Variants in KYNU observed in about 807,000 individuals in gnomAD.
The protein encoded by KYNU is L-kynurenine hydrolase.
Under a neutral mutation model 59.2 loss-of-function variants are expected in KYNU, and 54 were observed. That is an observed-to-expected ratio of 0.91 (90% CI 0.73 to 1.14). KYNU has a LOEUF of 1.14. Ranked by LOEUF, KYNU falls within the 50% of genes most tolerant of loss-of-function variation. The pLI, the probability that KYNU is intolerant of heterozygous loss-of-function variation, is 0.00. For missense variants in KYNU, 567 were observed against 554.4 expected (o/e 1.02, Z -0.23); for synonymous variants, 177 against 192.0 (o/e 0.92, Z 0.65).
At chr2:143,011,969 C>T (rs1488326604) in intron 10 of KYNU, among the ~76,000 whole-genome samples, 2 of 144,770 alleles carry the variant, frequency 1.4e-5, no homozygotes, top group Non-Finnish European at 3.0e-5. Context: ...TGCTAGATGA[C>T]GAGTTAGTGG....
intron 8 of KYNU, among the ~76,000 whole-genome samples, chr2:142,972,823 G>T (rs1335217463): frequency 6.7e-5 from 10 of 149,716 alleles, no homozygotes; most frequent in Non-Finnish European, 1.5e-4. Context: ...TAGAGAGAGA[G>T]AGAGAGAGAG....
chr2:142,972,717 C>G (rs1037663732), intron 8 of KYNU, among the ~76,000 whole-genome samples: 1 of 151,408 alleles, frequency 6.6e-6, no homozygotes, highest in African/African-American at 2.4e-5. Context: ...TCTCTTTCCA[C>G]AGTATTGTCT....
chr2:142,944,107 A>T (rs779404916), intron 4 of KYNU, among the ~76,000 whole-genome samples: 9 of 152,186 alleles, frequency 5.9e-5, no homozygotes, highest in Non-Finnish European at 1.3e-4. Flanking sequence ...CAATGCTTTA[A>T]CCCTGAAAGA....
intron 4 of KYNU, among the ~76,000 whole-genome samples, chr2:142,929,139 T>C (rs78467270): frequency 0.026 from 3,946 of 149,862 alleles, 168 homozygotes; most frequent in Admixed American, 0.11. Context: ...AAATATAAAA[T>C]TAATCACACT....
intron 9 of KYNU, 105 bp downstream of exon 9, chr2:142,985,287 CTATTTCTTT>C: frequency 1.3e-6 from 1 of 745,456 alleles, no homozygotes; most frequent in South Asian, 1.4e-5. Flanking sequence ...GTTACTTTCC[CTATTTCTTT>C]TATTGTATTT....
At chr2:143,019,203 G>A (rs1199683043) in intron 10 of KYNU, among the ~76,000 whole-genome samples, 1 of 152,064 alleles carries the variant, frequency 6.6e-6, no homozygotes, top group Non-Finnish European at 1.5e-5. Context: ...GGGCATCCTT[G>A]TATTGTTCCT....
chr2:142,961,508 G>A (rs1390758284), intron 8 of KYNU, among the ~76,000 whole-genome samples: 1 of 151,860 alleles, frequency 6.6e-6, no homozygotes, highest in Non-Finnish European at 1.5e-5. Context: ...CTATAAATGA[G>A]TTTTCACTTA....
At chr2:142,891,999 A>AC (rs1165887623) in intron 2 of KYNU, among the ~76,000 whole-genome samples, 3 of 151,668 alleles carry the variant, frequency 2.0e-5, no homozygotes, top group Non-Finnish European at 4.4e-5. Context: ...AGCAACCTCC[A>AC]CCCCCTGAAC....
At chr2:142,981,484 T>C (rs984810435) in intron 8 of KYNU, among the ~76,000 whole-genome samples, 18 of 151,848 alleles carry the variant, frequency 1.2e-4, no homozygotes, top group African/African-American at 4.3e-4. Flanking sequence ...TGTGGAGGGG[T>C]GTGTGTGTGT....
chr2:142,884,978 C>A (rs1681451154), intron 1 of KYNU, among the ~76,000 whole-genome samples: 1 of 140,452 alleles, frequency 7.1e-6, no homozygotes, highest in African/African-American at 2.6e-5. Flanking sequence ...GTGGCTCATG[C>A]CTGTAATCCC....
chr2:142,951,065 G>A (rs1423692383), intron 4 of KYNU, among the ~76,000 whole-genome samples: 1 of 152,200 alleles, frequency 6.6e-6, no homozygotes, highest in African/African-American at 2.4e-5. Flanking sequence ...GTGGTTTGTA[G>A]CATGCCAAAA....
At chr2:143,016,099 T>C (rs1048238891) in intron 10 of KYNU, among the ~76,000 whole-genome samples, 5 of 152,250 alleles carry the variant, frequency 3.3e-5, no homozygotes, top group Admixed American at 1.3e-4. Flanking sequence ...TTCATTCTGT[T>C]GAAATATTTT....
rs1047126081 is a variant in KYNU at position 143,050,060 on chromosome 2, T to A, written c.*7888T>A. The stretch of plus-strand genomic sequence containing the variant: ...ATATAAAATAAAAACATATAAAATA[T>A]GAAATATATAATACAGTATAAAATC... On this transcript the variant is annotated 3_prime_UTR_variant, in exon 14 of 14. Coordinates refer to ENST00000264170, the MANE Select transcript of KYNU (RefSeq NM_003937.3). 6 of 148,046 alleles carry A rather than the reference T, an allele frequency of 4.1e-5. No homozygotes were observed. Among genetic ancestry groups the A allele is most frequent in the Non-Finnish European group, 8.9e-5 (6 of 67,116 alleles). 9.2% of individuals were successfully genotyped at this position (148,046 alleles called of 1,614,324 possible). A position where few individuals can be genotyped will look rare whatever the true frequency, so the allele number is the denominator to read the frequency against.
At chr2:142,928,933 G>A (rs1432191728) in intron 4 of KYNU, among the ~76,000 whole-genome samples, 2 of 150,078 alleles carry the variant, frequency 1.3e-5, no homozygotes, top group Admixed American at 1.3e-4. Context: ...GCTTGAGCCT[G>A]GGAGGTTGAG....
intron 4 of KYNU, among the ~76,000 whole-genome samples, chr2:142,935,965 A>T (rs981475456): frequency 3.9e-5 from 6 of 152,160 alleles, no homozygotes; most frequent in Admixed American, 2.0e-4. Context: ...AGAAGTGGAT[A>T]CAGCTGACTG....
At chr2:142,918,048 TAAG>T (rs1682723677) in intron 2 of KYNU, among the ~76,000 whole-genome samples, 1 of 152,220 alleles carries the variant, frequency 6.6e-6, no homozygotes, top group South Asian at 2.1e-4. Context: ...TTTATATGAA[TAAG>T]AAGTAGATGT....
In KYNU at chr2:142,932,780, A is replaced by G. The variant is rs1030670497; in HGVS notation, c.373+5039A>G. ...GTGGGGGCGGGGGGCGGGGGACACT[A>G]TAGCATAGCCAGCATGCCGGCGTCC... On this transcript the variant is annotated intron_variant, in intron 4 of 13. Coordinates refer to ENST00000264170, the MANE Select transcript of KYNU (RefSeq NM_003937.3). Among the ~76,000 whole-genome samples the G allele has an allele frequency of 9.3e-5, 14 of 150,944 alleles. 1 individual carries two copies. The highest frequency in any genetic ancestry group is 3.4e-4 in the African/African-American group (14 of 41,080).
chr2:142,999,895 T>G (rs1685661633), intron 10 of KYNU, among the ~76,000 whole-genome samples: 1 of 152,166 alleles, frequency 6.6e-6, no homozygotes, highest in South Asian at 2.1e-4. Flanking sequence ...ATGATTAAAT[T>G]TCTTTATCAA....
intron 10 of KYNU, among the ~76,000 whole-genome samples, chr2:143,028,389 G>A (rs1573913256): frequency 6.7e-6 from 1 of 150,178 alleles, no homozygotes. Flanking sequence ...GACTACAGGT[G>A]TATGCCACCA....
Sources: allele counts gnomAD v4.1 joint callset (sites outside exome capture counted in the v4.1 genomes callset), GRCh38; gene constraint gnomAD v4.1.1; transcripts MANE v1.5; gene names NCBI Gene and HGNC (gene_info 2026-07-23, HGNC 2026-07-21).